The following AXDND1 variants were observed in gnomAD, a reference collection of about 807,000 sequenced individuals.
AXDND1 encodes the protein axonemal dynein light chain domain-containing protein 1.
A neutral mutation model predicts 137.5 loss-of-function variants in AXDND1; 110 were observed. That is an observed-to-expected ratio of 0.80 (90% confidence interval 0.69 to 0.94). The LOEUF is 0.94. AXDND1 is among the 40% of genes least tolerant of loss of function. AXDND1 has a pLI of 0.00. For missense variants in AXDND1, 1,191 were observed against 1,169.8 expected (o/e 1.02, Z -0.26); for synonymous variants, 414 against 399.7 (o/e 1.04, Z -0.43).
chr1:179,461,624 C>G (rs1480611678), intron 16 of AXDND1, among the ~76,000 whole-genome samples: 1 of 152,132 alleles, frequency 6.6e-6, no homozygotes, highest in African/African-American at 2.4e-5. Context: ...GGCATTGAAT[C>G]TATAAATTAC....
At chr1:179,519,787 G>A (rs548021517) in intron 21 of AXDND1, among the ~76,000 whole-genome samples, 2 of 152,288 alleles carry the variant, frequency 1.3e-5, no homozygotes, top group African/African-American at 4.8e-5. Context: ...TTTGGTTACT[G>A]TAGCCCTGTA....
rs750489813 is a variant in AXDND1 at position 179,488,632 on chromosome 1, C to CTTT, written c.2092-2905_2092-2904insTTT. Reference sequence around the variant, plus strand: ...TCTTTCTTTCTTTCTCTCTCTCTCTCTCCTTTCTTTCTTTCTTTCTTTCTT... The same window carrying CTTT: ...TCTTTCTTTCTTTCTCTCTCTCTCTCTTTTCCTTTCTTTCTTTCTTTCTTTCTT... On this transcript the variant is annotated intron_variant, in intron 18 of 25. Coordinates refer to ENST00000367618, the MANE Select transcript of AXDND1 (RefSeq NM_144696.6). Among the ~76,000 whole-genome samples, 4 of 63,158 alleles carry CTTT rather than the reference C, an allele frequency of 6.3e-5. 1 individual carries two copies. Among genetic ancestry groups the CTTT allele is most frequent in the African/African-American group, 2.4e-4 (4 of 16,480 alleles). The allele number at this position is 63,158 out of a possible 152,430, so 41.4% of individuals were successfully genotyped here.
At chr1:179,444,421 A>C (rs1286171296) in intron 15 of AXDND1, among the ~76,000 whole-genome samples, 1 of 152,086 alleles carries the variant, frequency 6.6e-6, no homozygotes, top group Non-Finnish European at 1.5e-5. Flanking sequence ...AATTACTCTT[A>C]TTGAAGGCTG....
At chr1:179,475,417 G>A (rs1664489996) in intron 17 of AXDND1, among the ~76,000 whole-genome samples, 1 of 152,202 alleles carries the variant, frequency 6.6e-6, no homozygotes, top group South Asian at 2.1e-4. Flanking sequence ...CAGGCCTATG[G>A]GAATGCACCT....
intron 1 of AXDND1, 144 bp from the exon 2 acceptor site, chr1:179,366,260 T>A (rs1163847802): frequency 6.5e-6 from 2 of 305,728 alleles, no homozygotes; most frequent in Non-Finnish European, 1.2e-5. Context: ...GGCTTCTTAG[T>A]CGCTACACAT....
intron 17 of AXDND1, among the ~76,000 whole-genome samples, chr1:179,469,489 G>A (rs1035430475): frequency 6.6e-6 from 1 of 151,910 alleles, no homozygotes; most frequent in African/African-American, 2.4e-5. Context: ...CATGCTTTTT[G>A]TGGACAAACA....
chr1:179,448,448 C>A, intron 16 of AXDND1: 1 of 531,366 alleles, frequency 1.9e-6, no homozygotes, highest in Non-Finnish European at 3.5e-6. Flanking sequence ...CATTTTCAGC[C>A]ACCTTTCCTT....
chr1:179,415,619 TC>T (rs2125240240), intron 12 of AXDND1, among the ~76,000 whole-genome samples: 2 of 152,168 alleles, frequency 1.3e-5, no homozygotes, highest in South Asian at 4.1e-4. Context: ...CAAAAGAAAC[TC>T]CATACATTTT....
At chr1:179,473,808 C>T (rs1486044118) in intron 17 of AXDND1, among the ~76,000 whole-genome samples, 1 of 152,140 alleles carries the variant, frequency 6.6e-6, no homozygotes, top group African/African-American at 2.4e-5. Flanking sequence ...TTCCTGCCAC[C>T]TTGTGAAGAA....
chr1:179,417,424 A>G (rs1654873892), intron 12 of AXDND1, among the ~76,000 whole-genome samples: 1 of 152,074 alleles, frequency 6.6e-6, no homozygotes, highest in Non-Finnish European at 1.5e-5. Context: ...TCTTTGCCCA[A>G]ACCAATGTCC....
chr1:179,404,052 G>T (rs546298295), intron 11 of AXDND1, among the ~76,000 whole-genome samples: 218 of 152,286 alleles, frequency 1.4e-3, no homozygotes, highest in Middle Eastern at 3.4e-3. Flanking sequence ...TGTATGGTCT[G>T]TAAGTGTTTG....
chr1:179,390,360 T>C (rs1379326624), intron 9 of AXDND1, among the ~76,000 whole-genome samples: 3 of 152,228 alleles, frequency 2.0e-5, no homozygotes, highest in Admixed American at 6.5e-5. Context: ...ATGGTATTTA[T>C]AATTTATCAT....
intron 17 of AXDND1, among the ~76,000 whole-genome samples, chr1:179,471,736 C>T (rs762267143): frequency 1.3e-4 from 18 of 134,362 alleles, no homozygotes; most frequent in Non-Finnish European, 2.7e-4. Context: ...TATTTCCTTC[C>T]TTTCACTTTC....
intron 25 of AXDND1, among the ~76,000 whole-genome samples, chr1:179,539,921 CTCTT>C (rs1480119599): frequency 8.6e-5 from 13 of 151,896 alleles, no homozygotes; most frequent in African/African-American, 3.1e-4. Context: ...CTTTTCTTCT[CTCTT>C]TATTTTATTA....
intron 21 of AXDND1, among the ~76,000 whole-genome samples, chr1:179,516,941 G>C (rs1558293520): frequency 6.6e-6 from 1 of 152,216 alleles, no homozygotes; most frequent in East Asian, 1.9e-4. Context: ...CTCCTGCCGG[G>C]AGGTGGCACT....
At chr1:179,521,433 G>C (rs1302674426) in intron 21 of AXDND1, among the ~76,000 whole-genome samples, 1 of 151,878 alleles carries the variant, frequency 6.6e-6, no homozygotes, top group Admixed American at 6.6e-5. Flanking sequence ...TTTCAATTCT[G>C]ATACTTCTAG....
intron 25 of AXDND1, among the ~76,000 whole-genome samples, chr1:179,548,072 AT>A (rs1418983535): frequency 6.6e-6 from 1 of 152,098 alleles, no homozygotes; most frequent in African/African-American, 2.4e-5. Flanking sequence ...AGGAGACCAT[AT>A]GTGCAAGTTT....
intron 9 of AXDND1, 71 bp from the exon 10 acceptor site, chr1:179,393,832 G>T: frequency 7.1e-7 from 1 of 1,411,392 alleles, no homozygotes; most frequent in Non-Finnish European, 9.5e-7. Flanking sequence ...TGTGTACATT[G>T]ATTTTGTAAC....
intron 25 of AXDND1, 91 bp from the exon 26 acceptor site, chr1:179,554,421 A>C: frequency 6.2e-7 from 1 of 1,608,058 alleles, no homozygotes; most frequent in Non-Finnish European, 8.5e-7. Context: ...ATTTAAAATG[A>C]AACCAGAATA....
Sources: allele counts gnomAD v4.1 joint callset (sites outside exome capture counted in the v4.1 genomes callset), GRCh38; gene constraint gnomAD v4.1.1; transcripts MANE v1.5; gene names NCBI Gene and HGNC (gene_info 2026-07-23, HGNC 2026-07-21).